Variants in FCHO1 observed in about 807,000 individuals in gnomAD.
The protein encoded by FCHO1 is FCH and mu domain containing endocytic adaptor 1.
In FCHO1, 45 loss-of-function variants were observed where a neutral mutation model predicts 114.4. The ratio of observed to expected loss-of-function variants is 0.39; its 90% CI spans 0.31 to 0.50. The LOEUF (loss-of-function observed/expected upper bound fraction) is 0.50, where lower values mean the gene tolerates loss of function less well. Ranked by LOEUF, FCHO1 falls within the 20% of genes least tolerant of loss-of-function variation. The probability of loss-of-function intolerance (pLI) is 0.77; values close to 1 mark genes in which losing one functional copy is unlikely to be tolerated. For missense variants in FCHO1, 1,042 were observed against 1,209.6 expected (o/e 0.86, Z 2.06); for synonymous variants, 480 against 488.9 (o/e 0.98, Z 0.24).
chr19:17,761,281 A>C (rs1288933261), intron 4 of FCHO1, among the ~76,000 whole-genome samples: 3 of 152,084 alleles, frequency 2.0e-5, no homozygotes, highest in African/African-American at 7.2e-5. Flanking sequence ...TGTTGACAAG[A>C]ACAGAAAACA....
intron 7 of FCHO1, 97 bp downstream of exon 7, chr19:17,766,907 T>G: frequency 3.1e-6 from 4 of 1,282,470 alleles, no homozygotes; most frequent in Non-Finnish European, 4.3e-6. Context: ...CCTGCGGATG[T>G]CCGCCTCCGA....
chr19:17,769,610 C>G (rs1015607263), intron 7 of FCHO1, among the ~76,000 whole-genome samples: 2 of 149,606 alleles, frequency 1.3e-5, no homozygotes, highest in East Asian at 1.9e-4. Flanking sequence ...CACACACACA[C>G]ACACACACAC....
At chr19:17,747,777 G>C (rs2080876388), upstream of FCHO1, 1 of 152,134 alleles carries the variant, frequency 6.6e-6, no homozygotes, top group African/African-American at 2.4e-5. Context: ...CCAAGCCGCA[G>C]GTGGCGGCGA....
chr19:17,786,528 A>T (rs780248303), intron 26 of FCHO1, 46 bp from the exon 27 acceptor site: 1 of 1,604,624 alleles, frequency 6.2e-7, no homozygotes, highest in Admixed American at 1.7e-5. Flanking sequence ...CTGGGCTCTC[A>T]GCATCCTCTC....
At position 17,755,094 on chromosome 19, in the gene FCHO1, G is replaced by C. The variant is rs1041381592; in HGVS notation, c.-47-24G>C. On this transcript the variant is annotated intron_variant, in intron 3 of 28. Transcript: ENST00000596536. Reference sequence around the variant, plus strand: ...AGCCCACACTGGCAATGACTCTGTAGCTCAAACTTGCCTCTCTCTTCAGAC... The same window carrying C: ...AGCCCACACTGGCAATGACTCTGTACCTCAAACTTGCCTCTCTCTTCAGAC... 2.0e-6 allele frequency: 3 copies of C among 1,480,596 alleles called. No homozygotes were observed. The African/African-American group carries it at 4.2e-5, about 20-fold the overall frequency. The allele number at this position is 1,480,596 out of a possible 1,614,324, so 91.7% of individuals were successfully genotyped here.
chr19:17,755,890 C>T (rs534177251), intron 4 of FCHO1, among the ~76,000 whole-genome samples: 1 of 152,134 alleles, frequency 6.6e-6, no homozygotes. Flanking sequence ...GACACAGAAT[C>T]GTGTTTGCTG....
chr19:17,774,640 C>T, intron 13 of FCHO1, 162 bp downstream of exon 13: 1 of 620,020 alleles, frequency 1.6e-6, no homozygotes. Context: ...TACCTCTGCC[C>T]CCGGCTAGCT....
chr19:17,772,762 G>A (rs751201384), intron 11 of FCHO1, 21 bp downstream of exon 11: 2 of 1,599,258 alleles, frequency 1.3e-6, no homozygotes, highest in Non-Finnish European at 1.7e-6. Flanking sequence ...GCAGCCATTG[G>A]GGGTCGGGCT....
At chr19:17,779,163 C>T (rs1476154289) in intron 20 of FCHO1, among the ~76,000 whole-genome samples, 1 of 152,132 alleles carries the variant, frequency 6.6e-6, no homozygotes, top group Non-Finnish European at 1.5e-5. Context: ...GCGTGCTGGG[C>T]AGAGGGCACA....
At chr19:17,766,436 G>A (rs1340386277) in intron 6 of FCHO1, 13 of 464,692 alleles carry the variant, frequency 2.8e-5, no homozygotes, top group Non-Finnish European at 5.0e-5. Flanking sequence ...TTAAATTCCA[G>A]CTCTAATGTT....
At chr19:17,772,380 TTGGTCAGGCTGAGTCATA>T in intron 9 of FCHO1, 59 bp from the exon 10 acceptor site, 1 of 1,057,474 alleles carries the variant, frequency 9.5e-7, no homozygotes, top group Non-Finnish European at 1.5e-6. Flanking sequence ...GGTATTCTGA[TTGGTCAGGCTGAGTCATA>T]TGGCCACTTC....
Position 17,781,495 on chromosome 19 carries a change from G to A in FCHO1, c.1784G>A (p.Ser595Asn), listed in dbSNP as rs751315326. ...SPSPLGSSAA[S>N]TALERPSFLS... The stretch of plus-strand genomic sequence containing the variant: ...TCCCCACTGGGCTCTTCAGCCGCCA[G>A]CACTGCCTTGGAACGGCCCAGCTTC... The change falls in exon 22 of 29, where the codon AGC becomes AAC. Residue 595 changes from serine to asparagine, a missense_variant. Coordinates refer to ENST00000596536, the MANE Select transcript of FCHO1 (RefSeq NM_015122.3). 27 of 1,613,926 alleles carry A rather than the reference G, an allele frequency of 1.7e-5. No individual in the cohort carries two copies. Among genetic ancestry groups the A allele is most frequent in the Non-Finnish European group, 2.2e-5 (26 of 1,180,018 alleles).
Position 17,787,797 on chromosome 19 carries a change from G to A in FCHO1, c.2598G>A (p.Leu866=), listed in dbSNP as rs760067330. 1.2e-6 allele frequency: 2 copies of A among 1,613,356 alleles called. No homozygotes were observed. The highest frequency in any genetic ancestry group is 1.7e-6 in the Non-Finnish European group (2 of 1,179,850). ...GTTLSGVDLE[L]VGSGYRMSLV... is the part of the protein sequence containing the mutation. Reference sequence around the variant, plus strand: ...CTCTGTCGGGCGTGGACTTGGAACTGGTGGGCAGCGGTTACCGCATGTCGC... The same window carrying A: ...CTCTGTCGGGCGTGGACTTGGAACTAGTGGGCAGCGGTTACCGCATGTCGC... The change falls in exon 28 of 29, where the codon CTG becomes CTA. Residue 866 remains leucine (L), a synonymous_variant. Transcript: ENST00000596536.
At chr19:17,778,572 C>G in intron 19 of FCHO1, 37 bp from the exon 20 acceptor site, 1 of 1,489,824 alleles carries the variant, frequency 6.7e-7, no homozygotes, top group African/African-American at 1.4e-5. Context: ...TCTGAGTGGG[C>G]GAGGGTCGGA....
chr19:17,772,603 A>G, intron 10 of FCHO1, 42 bp from the exon 11 acceptor site: 1 of 1,613,512 alleles, frequency 6.2e-7, no homozygotes, highest in Non-Finnish European at 8.5e-7. Flanking sequence ...CTGCTGGGCA[A>G]AGGGGCCTTG....
At chr19:17,782,111 G>C (rs1202468086) in intron 23 of FCHO1, among the ~76,000 whole-genome samples, 1 of 150,832 alleles carries the variant, frequency 6.6e-6, no homozygotes, top group Non-Finnish European at 1.5e-5. Flanking sequence ...CCGGGTTCAA[G>C]CAATTCTCCT....
rs756039563 is a variant in FCHO1, at chr19:17,770,910, A to G, written c.594+14A>G. Reference sequence around the variant, plus strand: ...GACTCAGCCCTGGTAAGAACCAGGCATCTGTACCTTTAAGACCCACACATG... The same window carrying G: ...GACTCAGCCCTGGTAAGAACCAGGCGTCTGTACCTTTAAGACCCACACATG... On this transcript the variant is annotated intron_variant, in intron 9 of 28. Coordinates refer to ENST00000596536, the MANE Select transcript of FCHO1 (RefSeq NM_015122.3). The G allele has an allele frequency of 7.5e-6, 12 of 1,606,614 alleles. No individual in the cohort carries two copies. Among genetic ancestry groups the G allele is most frequent in the East Asian group, 2.2e-5 (1 of 44,834 alleles).
intron 6 of FCHO1, 161 bp from the exon 7 acceptor site, chr19:17,766,508 T>G: frequency 1.1e-6 from 1 of 918,648 alleles, no homozygotes; most frequent in Non-Finnish European, 1.6e-6. Flanking sequence ...TCCCCATCTG[T>G]CACAGGCCCG....
chr19:17,760,266 G>A (rs1287066842), intron 4 of FCHO1, among the ~76,000 whole-genome samples: 1 of 152,148 alleles, frequency 6.6e-6, no homozygotes, highest in East Asian at 1.9e-4. Flanking sequence ...GGCCAGTCTG[G>A]TCTCGAACTC....
Sources: gnomAD v4.1 joint callset for allele counts (sites outside exome capture counted in the v4.1 genomes callset) on GRCh38, gnomAD v4.1.1 for gene constraint, MANE v1.5 for transcripts, NCBI Gene and HGNC (gene_info 2026-07-23, HGNC 2026-07-21) for gene names.